Variants in KCNIP4 observed in about 807,000 individuals in gnomAD.
KCNIP4 encodes the protein potassium voltage-gated channel interacting protein 4.
In KCNIP4, 12 loss-of-function variants were observed where a neutral mutation model predicts 34.0. The ratio of observed to expected loss-of-function variants is 0.35; its 90% CI spans 0.23 to 0.57. The LOEUF (loss-of-function observed/expected upper bound fraction) is 0.57, where lower values mean the gene tolerates loss of function less well. Ranked by LOEUF, KCNIP4 falls within the 20% of genes least tolerant of loss-of-function variation. KCNIP4 has a pLI of 0.83. For synonymous variants in KCNIP4, 124 were observed against 102.2 expected (o/e 1.21, Z -1.29); for missense variants, 238 against 311.7 (o/e 0.76, Z 1.78).
At chr4:21,076,704 T>C (rs891001153) in intron 1 of KCNIP4, among the ~76,000 whole-genome samples, 1 of 152,086 alleles carries the variant, frequency 6.6e-6, no homozygotes, top group Non-Finnish European at 1.5e-5. Context: ...TGGGCAGCTA[T>C]GAGAAATGTC....
intron 1 of KCNIP4, among the ~76,000 whole-genome samples, chr4:21,749,496 A>T (rs946115436): frequency 6.6e-6 from 1 of 152,054 alleles, no homozygotes; most frequent in African/African-American, 2.4e-5. Context: ...TCCCCACTTG[A>T]CACCATTCCC....
At chr4:21,141,915 GC>G (rs1751983356) in intron 1 of KCNIP4, among the ~76,000 whole-genome samples, 1 of 151,790 alleles carries the variant, frequency 6.6e-6, no homozygotes, top group South Asian at 2.1e-4. Context: ...ACTTTGGGAG[GC>G]CGAGGTGTGT....
chr4:21,574,516 A>G (rs1315621470), intron 1 of KCNIP4, among the ~76,000 whole-genome samples: 2 of 152,148 alleles, frequency 1.3e-5, no homozygotes, highest in African/African-American at 2.4e-5. Context: ...TTATATACTT[A>G]CAGGAGATGT....
intron 1 of KCNIP4, among the ~76,000 whole-genome samples, chr4:21,942,354 C>A (rs1223951430): frequency 6.6e-6 from 1 of 152,154 alleles, no homozygotes; most frequent in Non-Finnish European, 1.5e-5. Flanking sequence ...TGAGGCCCCT[C>A]AGACTACTGA....
intron 1 of KCNIP4, among the ~76,000 whole-genome samples, chr4:21,328,465 A>G (rs1054640481): frequency 1.3e-5 from 2 of 152,106 alleles, no homozygotes; most frequent in African/African-American, 4.8e-5. Flanking sequence ...CTGGGGGTGG[A>G]GTGACACAAG....
At chr4:21,485,245 ACT>A (rs899677335) in intron 1 of KCNIP4, among the ~76,000 whole-genome samples, 2 of 151,914 alleles carry the variant, frequency 1.3e-5, no homozygotes, top group African/African-American at 2.4e-5. Flanking sequence ...TAATTATACC[ACT>A]CTTTTTTAAA....
At chr4:21,087,984 A>G (rs1746620162) in intron 1 of KCNIP4, among the ~76,000 whole-genome samples, 1 of 152,114 alleles carries the variant, frequency 6.6e-6, no homozygotes, top group African/African-American at 2.4e-5. Context: ...CTATGGCTTC[A>G]TTGGTCATGC....
At chr4:21,478,785 C>G (rs1212642255) in intron 1 of KCNIP4, among the ~76,000 whole-genome samples, 1 of 152,138 alleles carries the variant, frequency 6.6e-6, no homozygotes, top group Non-Finnish European at 1.5e-5. Context: ...TTTCTAGATT[C>G]AATCTGGATC....
intron 1 of KCNIP4, among the ~76,000 whole-genome samples, chr4:21,309,486 T>C (rs2109268523): frequency 6.6e-6 from 1 of 152,246 alleles, no homozygotes; most frequent in East Asian, 1.9e-4. Flanking sequence ...AAATTAAAAA[T>C]TAAAAAAATA....
At chr4:21,810,819 A>T (rs918570882) in intron 1 of KCNIP4, among the ~76,000 whole-genome samples, 1 of 152,084 alleles carries the variant, frequency 6.6e-6, no homozygotes, top group Non-Finnish European at 1.5e-5. Flanking sequence ...CCCCAAAGAG[A>T]GGCAATGGAT....
chr4:21,274,913 T>C (rs1762352202), intron 1 of KCNIP4, among the ~76,000 whole-genome samples: 1 of 152,166 alleles, frequency 6.6e-6, no homozygotes, highest in Non-Finnish European at 1.5e-5. Flanking sequence ...ACAATTCTTT[T>C]AGGAATTTCT....
At chr4:21,630,865 C>T (rs1168291407) in intron 1 of KCNIP4, among the ~76,000 whole-genome samples, 1 of 152,126 alleles carries the variant, frequency 6.6e-6, no homozygotes, top group Non-Finnish European at 1.5e-5. Flanking sequence ...TATTGAGTAA[C>T]ATGTTTTGCT....
chr4:21,344,924 T>C (rs1420854956), intron 1 of KCNIP4, among the ~76,000 whole-genome samples: 1 of 152,120 alleles, frequency 6.6e-6, no homozygotes, highest in African/African-American at 2.4e-5. Context: ...TGACAGAAAG[T>C]TCTGGTGTCC....
chr4:21,310,900 T>C (rs1207367805), intron 1 of KCNIP4, among the ~76,000 whole-genome samples: 1 of 152,120 alleles, frequency 6.6e-6, no homozygotes, highest in Non-Finnish European at 1.5e-5. Flanking sequence ...AGTGCTGGGA[T>C]TACAGGAGTG....
chr4:21,792,830 G>A (rs773615738), intron 1 of KCNIP4, among the ~76,000 whole-genome samples: 3 of 152,238 alleles, frequency 2.0e-5, no homozygotes, highest in Non-Finnish European at 2.9e-5. Flanking sequence ...ATGTCTTCCT[G>A]TAATGTTGAG....
At chr4:21,498,193 A>G (rs1054286454) in intron 1 of KCNIP4, among the ~76,000 whole-genome samples, 1 of 152,244 alleles carries the variant, frequency 6.6e-6, no homozygotes, top group African/African-American at 2.4e-5. Context: ...AACTGAGCAT[A>G]TAGAAAACTA....
intron 1 of KCNIP4, among the ~76,000 whole-genome samples, chr4:21,357,007 A>C (rs1169278219): frequency 6.6e-6 from 1 of 152,050 alleles, no homozygotes; most frequent in Admixed American, 6.6e-5. Context: ...CACAGAAATA[A>C]CACCACACAT....
intron 3 of KCNIP4, among the ~76,000 whole-genome samples, chr4:20,831,463 TCA>T (rs1183813998): frequency 1.3e-5 from 2 of 152,102 alleles, no homozygotes; most frequent in Non-Finnish European, 2.9e-5. Flanking sequence ...TAAAGAGGGC[TCA>T]TGGGTACAAA....
intron 1 of KCNIP4, among the ~76,000 whole-genome samples, chr4:21,316,958 G>C (rs1244386767): frequency 6.6e-6 from 1 of 152,098 alleles, no homozygotes; most frequent in East Asian, 1.9e-4. Flanking sequence ...CTGGCTCGGG[G>C]TTTTATAATA....
Sources: gnomAD v4.1 joint callset for allele counts (sites outside exome capture counted in the v4.1 genomes callset) on GRCh38, gnomAD v4.1.1 for gene constraint, MANE v1.5 for transcripts, NCBI Gene and HGNC (gene_info 2026-07-23, HGNC 2026-07-21) for gene names.